Variants in MLIP observed in about 807,000 individuals in gnomAD.
MLIP encodes muscular LMNA interacting protein.
In MLIP, 79 loss-of-function variants were observed where a neutral mutation model predicts 84.8. The observed-to-expected ratio is 0.93, with a 90% confidence interval of 0.78 to 1.12. MLIP has a LOEUF of 1.12. MLIP is among the 50% of genes most tolerant of loss of function. The pLI, the probability that MLIP is intolerant of heterozygous loss-of-function variation, is 0.00. For synonymous variants in MLIP, 504 were observed against 463.0 expected (o/e 1.09, Z -1.14); for missense variants, 1,257 against 1,160.6 (o/e 1.08, Z -1.21).
chr6:54,023,178 AT>A lies in MLIP; in HGVS notation c.63+4088del, dbSNP rs200404777. Among the ~76,000 whole-genome samples, 54 of 125,144 alleles carry A rather than the reference AT, an allele frequency of 4.3e-4. 1 individual carries two copies. Among genetic ancestry groups the A allele is most frequent in the Middle Eastern group, 4.3e-3 (1 of 234 alleles). 82.1% of individuals were successfully genotyped at this position (125,144 alleles called of 152,430 possible). On this transcript the variant is annotated intron_variant, in intron 1 of 12. Coordinates refer to the MLIP transcript ENST00000274897. Reference sequence around the variant, plus strand: ...CGAGACTCCATCTCAAAAAATAATAATAATAATAATAATAATAATGATAACA... The same window carrying A: ...CGAGACTCCATCTCAAAAAATAATAAAATAATAATAATAATAATGATAACA...
chr6:54,219,887 C>T (rs1473206045), intron 11 of MLIP, among the ~76,000 whole-genome samples: 1 of 151,996 alleles, frequency 6.6e-6, no homozygotes, highest in Non-Finnish European at 1.5e-5. Context: ...TATATGTGCC[C>T]AGTTAGCTAG....
At chr6:54,213,731 A>ACAAG (rs5876369) in intron 11 of MLIP, among the ~76,000 whole-genome samples, 1 of 110,578 alleles carries the variant, frequency 9.0e-6, no homozygotes, top group Non-Finnish European at 1.8e-5. Flanking sequence ...AAAAAAAAAA[A>ACAAG]AAAAACAACA....
intron 2 of MLIP, among the ~76,000 whole-genome samples, chr6:54,122,282 A>G (rs1254554236): frequency 6.6e-6 from 1 of 152,204 alleles, no homozygotes; most frequent in East Asian, 1.9e-4. Flanking sequence ...GATGGTAATT[A>G]GATAATTCCA....
At chr6:54,158,948 T>C (rs1274038018) in intron 5 of MLIP, among the ~76,000 whole-genome samples, 1 of 152,138 alleles carries the variant, frequency 6.6e-6, no homozygotes, top group African/African-American at 2.4e-5. Flanking sequence ...TGTCTTACTC[T>C]GTTGCCCAGG....
At chr6:54,044,332 T>C (rs1420776629) in intron 1 of MLIP, among the ~76,000 whole-genome samples, 1 of 152,222 alleles carries the variant, frequency 6.6e-6, no homozygotes, top group African/African-American at 2.4e-5. Context: ...TGCCTTGAGT[T>C]GCCATCTCTA....
intron 8 of MLIP, among the ~76,000 whole-genome samples, chr6:54,162,923 G>T (rs562102334): frequency 6.6e-6 from 1 of 152,056 alleles, no homozygotes; most frequent in East Asian, 1.9e-4. Flanking sequence ...GAATGAAAAG[G>T]CTTTTATGGT....
chr6:54,100,644 A>C (rs1020826473), intron 1 of MLIP, among the ~76,000 whole-genome samples: 3 of 151,958 alleles, frequency 2.0e-5, no homozygotes, highest in African/African-American at 7.2e-5. Flanking sequence ...TTTATCTACT[A>C]TTCCTTTATA....
Position 54,064,724 on chromosome 6 carries a change from T to G in MLIP, c.63+45633T>G, listed in dbSNP as rs1239099707. Among the ~76,000 whole-genome samples, 4 of 99,364 alleles carry G rather than the reference T, an allele frequency of 4.0e-5. 2 individuals are homozygous for G. The highest frequency in any genetic ancestry group is 1.2e-4 in the Non-Finnish European group (4 of 34,654). The allele number at this position is 99,364 out of a possible 152,430, so 65.2% of individuals were successfully genotyped here. A position where few individuals can be genotyped will look rare whatever the true frequency, so the allele number is the denominator to read the frequency against. ...TATAGATACACCAGATTGTTACTTC[T>G]GAGTTTAGGTTTGGGGGACTCTAGA... On this transcript the variant is annotated intron_variant, in intron 1 of 12. Transcript: ENST00000274897.
At position 54,137,970 on chromosome 6, in the gene MLIP, A is replaced by G. The variant is rs1771963775; in HGVS notation, c.1901A>G (p.Gln634Arg). 1 of 1,536,006 alleles carries G rather than the reference A, an allele frequency of 6.5e-7. No homozygotes were observed. Among genetic ancestry groups the G allele is most frequent in the Non-Finnish European group, 8.7e-7 (1 of 1,146,908 alleles). ...AGAGCATCATCCCAACTATCTGGCCAGGAGCTGAATCCTTCAGCTCTTCCT... is the reference window on the plus strand; with the variant it reads ...AGAGCATCATCCCAACTATCTGGCCGGGAGCTGAATCCTTCAGCTCTTCCT... The part of the protein sequence containing the change: ...SKRASSQLSG[Q>R]ELNPSALPSL... The change falls in exon 4 of 14, where the codon CAG (glutamine) becomes CGG (arginine). Residue 634 changes from glutamine to arginine, a missense_variant. Transcript: ENST00000502396.
intron 11 of MLIP, among the ~76,000 whole-genome samples, chr6:54,206,316 T>C (rs1192036227): frequency 1.3e-5 from 2 of 152,140 alleles, no homozygotes; most frequent in Non-Finnish European, 2.9e-5. Context: ...ATTAGATATA[T>C]TGATACTTTC....
rs149771650 is a variant in MLIP, at chr6:54,095,831, G to T, written c.64-25616G>T. 3.0e-3 allele frequency among the ~76,000 whole-genome samples: 452 copies of T among 152,224 alleles called. 5 individuals are homozygous for T. Among genetic ancestry groups the T allele is most frequent in the African/African-American group, 0.01 (433 of 41,554 alleles). On this transcript the variant is annotated intron_variant, in intron 1 of 12. Transcript: ENST00000274897. ...CATGAATTTGTTTGTTCATGAATTT[G>T]CTTTCATGGTCTCAAGATGAATTGC... is the stretch of plus-strand genomic sequence containing the variant.
intron 11 of MLIP, among the ~76,000 whole-genome samples, chr6:54,224,049 A>AT (rs1491272619): frequency 6.6e-6 from 1 of 152,046 alleles, no homozygotes; most frequent in Non-Finnish European, 1.5e-5. Flanking sequence ...TAGAGGAAAC[A>AT]TTATTTAAGG....
At chr6:54,230,949 C>A in intron 12 of MLIP, 32 bp downstream of exon 12, 1 of 1,596,838 alleles carries the variant, frequency 6.3e-7, no homozygotes, top group South Asian at 1.1e-5. Context: ...GAGGACTATT[C>A]TATTCTGTGA....
intron 1 of MLIP, among the ~76,000 whole-genome samples, chr6:54,029,903 CATTTTCTCATGTGTAT>C (rs762597063): frequency 6.6e-6 from 1 of 152,064 alleles, no homozygotes; most frequent in Non-Finnish European, 1.5e-5. Context: ...AATGAGCCAC[CATTTTCTCATGTGTAT>C]AATGGGCTAT....
rs559407847 is a variant in MLIP at position 54,086,237 on chromosome 6, A to T, written c.64-35210A>T. ...ATATCTTTATAACTTCCACATTTAC[A>T]TCTCCAGATGTGACTCTATGTTTAA... On this transcript the variant is annotated intron_variant, in intron 1 of 12. Transcript: ENST00000274897. Among the ~76,000 whole-genome samples, 22 of 152,214 alleles carry T rather than the reference A, an allele frequency of 1.4e-4. No homozygotes were observed. In the South Asian group the frequency reaches 4.4e-3, roughly 30 times the overall value.
At chr6:54,253,400 A>G (rs1316865470) in intron 12 of MLIP, among the ~76,000 whole-genome samples, 1 of 152,146 alleles carries the variant, frequency 6.6e-6, no homozygotes, top group African/African-American at 2.4e-5. Context: ...TCTGGATGGA[A>G]TGTATGGCAC....
At chr6:54,025,888 C>T (rs929637434) in intron 1 of MLIP, among the ~76,000 whole-genome samples, 1 of 152,266 alleles carries the variant, frequency 6.6e-6, no homozygotes, top group Non-Finnish European at 1.5e-5. Context: ...CTTGGCACAT[C>T]GCCCACAATG....
intron 1 of MLIP, among the ~76,000 whole-genome samples, chr6:54,114,378 A>G (rs941333259): frequency 6.6e-6 from 1 of 152,204 alleles, no homozygotes; most frequent in Non-Finnish European, 1.5e-5. Context: ...GTTATTCTCA[A>G]ACCAGCTTCA....
chr6:54,138,005 G>A lies in MLIP; in HGVS notation c.1936G>A (p.Val646Ile). 6.5e-7 allele frequency: 1 copy of A among 1,535,996 alleles called. No homozygotes were observed. Among genetic ancestry groups the A allele is most frequent in the Non-Finnish European group, 8.7e-7 (1 of 1,146,870 alleles). ...TCCTTCAGCTCTTCCTTCACTCCCTGTCTCCAGTGCTGACTTTGCCTCTCT... is the reference window on the plus strand; with the variant it reads ...TCCTTCAGCTCTTCCTTCACTCCCTATCTCCAGTGCTGACTTTGCCTCTCT... ...LNPSALPSLPVSSADFASLPN... is the reference protein window; with the variant it reads ...LNPSALPSLPISSADFASLPN... The change falls in exon 4 of 14, where the codon GTC (valine) becomes ATC (isoleucine). Residue 646 changes from valine (V) to isoleucine (I), a missense_variant. By Grantham distance (29) the Val-to-Ile change is conservative. Transcript: ENST00000502396.
Sources: allele counts gnomAD v4.1 joint callset (sites outside exome capture counted in the v4.1 genomes callset), GRCh38; gene constraint gnomAD v4.1.1; transcripts MANE v1.5; gene names NCBI Gene and HGNC (gene_info 2026-07-23, HGNC 2026-07-21).